KALRN: variants seen among roughly 807,000 people sequenced by gnomAD.
KALRN encodes the protein kalirin.
KALRN carries 70 observed loss-of-function variants against 353.7 expected under a neutral mutation model. The observed-to-expected ratio is 0.20, with a 90% CI of 0.16 to 0.24. The LOEUF (loss-of-function observed/expected upper bound fraction) is 0.24. KALRN is among the 10% of genes least tolerant of loss of function. The pLI, the probability that KALRN is intolerant of heterozygous loss-of-function variation, is 1.00. For synonymous variants in KALRN, 1,391 were observed against 1,434.8 expected, an observed-to-expected ratio of 0.97 and a Z score of 0.69; for missense variants, 2,791 against 3,756.7, an observed-to-expected ratio of 0.74 and a Z score of 6.72.
rs2087682883 is a variant in KALRN at position 124,383,236 on chromosome 3, C to G, written c.1771-1609C>G. Among the ~76,000 whole-genome samples, 5 of 152,324 alleles carry G rather than the reference C, an allele frequency of 3.3e-5. No individual in the cohort carries two copies. In the South Asian group the frequency reaches 1.0e-3, roughly 32 times the overall value. ...TTTGCCTGCCCATCTTCCCCAGGTC[C>G]TATGCCAGTACAATCAAGAGGCTGG... On this transcript the variant is annotated intron_variant, in intron 10 of 59. Coordinates refer to ENST00000682506, the MANE Select transcript of KALRN (RefSeq NM_001388419.1).
intron 34 of KALRN, among the ~76,000 whole-genome samples, chr3:124,587,075 C>T (rs1200939533): frequency 6.6e-6 from 1 of 152,212 alleles, no homozygotes; most frequent in Non-Finnish European, 1.5e-5. Context: ...CCAATTGCAA[C>T]ACCCAAAAGG....
chr3:124,564,752 C>T (rs1486534923), intron 34 of KALRN, among the ~76,000 whole-genome samples: 1 of 152,310 alleles, frequency 6.6e-6, no homozygotes, highest in Non-Finnish European at 1.5e-5. Context: ...CCTCCAGAGC[C>T]GGTGGGTCCC....
intron 13 of KALRN, among the ~76,000 whole-genome samples, chr3:124,404,153 G>GA (rs66603520): frequency 0.2 from 24,960 of 123,536 alleles, 3,265 homozygotes; most frequent in East Asian, 0.64. Context: ...CTGCTCTCTG[G>GA]AAAAAAAAAA....
chr3:124,045,586 A>C (rs1003523457), intron 1 of KALRN, among the ~76,000 whole-genome samples: 25 of 152,202 alleles, frequency 1.6e-4, no homozygotes, highest in Admixed American at 1.6e-3. Context: ...AGAACTAATC[A>C]ATTTTAGCAT....
chr3:124,619,131 T>G (rs1435361922), intron 34 of KALRN, among the ~76,000 whole-genome samples: 1 of 79,728 alleles, frequency 1.3e-5, no homozygotes, highest in African/African-American at 7.8e-5. Context: ...TTTGACTTTT[T>G]TTTTTTTTTT....
chr3:124,131,083 T>A (rs1192273365), intron 1 of KALRN, among the ~76,000 whole-genome samples: 1 of 152,180 alleles, frequency 6.6e-6, no homozygotes, highest in African/African-American at 2.4e-5. Flanking sequence ...TTTGTATACT[T>A]TGTGCAAGTT....
chr3:124,355,656 C>T (rs4592972), intron 10 of KALRN, among the ~76,000 whole-genome samples: 1,598 of 151,114 alleles, frequency 0.011, 46 homozygotes, highest in Admixed American at 0.049. Context: ...GGAGGTTTTC[C>T]GATACAGGCA....
Position 124,294,520 on chromosome 3 carries a change from C to CTTTTTTTTTTTTTTTTTT in KALRN, c.970-4266_970-4249dup, listed in dbSNP as rs397990993. On this transcript the variant is annotated intron_variant, in intron 5 of 59. Transcript: ENST00000682506. Reference sequence around the variant, plus strand: ...GGGCTGAGACTAAGAAGATTCTCTTCTTTTTTTTTTTTTTTTTTTTTTGAG... The same window carrying CTTTTTTTTTTTTTTTTTT: ...GGGCTGAGACTAAGAAGATTCTCTTCTTTTTTTTTTTTTTTTTTTTTTTTTTTTTTTTTTTTTTTTGAG... 6.8e-5 allele frequency among the ~76,000 whole-genome samples: 5 copies of CTTTTTTTTTTTTTTTTTT among 73,898 alleles called. 1 individual carries two copies. The highest frequency in any genetic ancestry group is 5.1e-4 in the East Asian group (1 of 1,980). 48.5% of individuals were successfully genotyped at this position (73,898 alleles called of 152,430 possible).
intron 1 of KALRN, among the ~76,000 whole-genome samples, chr3:124,068,611 C>T (rs1423791377): frequency 6.6e-6 from 1 of 152,184 alleles, no homozygotes; most frequent in Non-Finnish European, 1.5e-5. Context: ...AACCCTCTTC[C>T]CCATCTGCCT....
At position 124,694,557 on chromosome 3, in the gene KALRN, T is replaced by G. The variant is rs41264667; in HGVS notation, c.7577+54T>G. ...AGCAGCCCCTTGCTTGACACAGCAC[T>G]GAGAGGCTGAATCTGGGGTGCAACT... On this transcript the variant is annotated intron_variant, in intron 53 of 59. Transcript: ENST00000682506. 14,167 of 1,542,214 alleles carry G rather than the reference T, an allele frequency of 9.2e-3. 81 individuals carry two copies. Among genetic ancestry groups the G allele is most frequent in the Non-Finnish European group, 0.011 (12,399 of 1,131,728 alleles).
chr3:124,064,596 C>T (rs1370635623), intron 1 of KALRN, among the ~76,000 whole-genome samples: 1 of 152,168 alleles, frequency 6.6e-6, no homozygotes, highest in Admixed American at 6.5e-5. Flanking sequence ...ACACTGCCCA[C>T]CTAGGGTTGA....
intron 53 of KALRN, 36 bp downstream of exon 53, chr3:124,694,539 C>G (rs755028082): frequency 3.6e-5 from 58 of 1,595,412 alleles, no homozygotes; most frequent in Non-Finnish European, 4.9e-5. Context: ...AACAGCAGCC[C>G]CTTGCTTGAC....
At chr3:124,182,214 C>T (rs187804035) in intron 1 of KALRN, among the ~76,000 whole-genome samples, 13 of 152,260 alleles carry the variant, frequency 8.5e-5, no homozygotes, top group South Asian at 4.1e-4. Context: ...CAAAACTTAA[C>T]GGCTTGAAAT....
In KALRN at chr3:124,655,623, C is replaced by T; in HGVS notation, c.5818C>T (p.Gln1940Ter). Reference protein sequence around the residue: ...GRMFVLNELVQTEKDYVKDLG... With the variant: ...GRMFVLNELV The stretch of plus-strand genomic sequence containing the variant: ...CAGGTTTGTCCTGAATGAGCTGGTA[C>T]AGACAGAGAAAGACTATGTCAAGGA... The change falls in exon 39 of 60, where the codon CAG (glutamine) becomes TAG (stop). Residue 1940 changes from glutamine (Q) to a stop codon, truncating the protein, a stop_gained. Transcript: ENST00000682506. LOFTEE classifies it high-confidence loss of function. 6.2e-7 allele frequency: 1 copy of T among 1,613,954 alleles called. No homozygotes were observed. The highest frequency in any genetic ancestry group is 8.5e-7 in the Non-Finnish European group (1 of 1,179,842).
chr3:124,234,680 C>A (rs1014184693), intron 2 of KALRN, 149 bp from the exon 3 acceptor site: 4 of 623,722 alleles, frequency 6.4e-6, no homozygotes, highest in African/African-American at 5.5e-5. Context: ...GCATCTAGAC[C>A]CCCCCACCTT....
intron 11 of KALRN, among the ~76,000 whole-genome samples, chr3:124,387,705 G>A (rs1187880360): frequency 2.6e-5 from 4 of 152,080 alleles, no homozygotes; most frequent in Admixed American, 6.6e-5. Flanking sequence ...CCCAAAATAC[G>A]AGAGAAATTT....
chr3:124,557,961 G>A (rs534855848), intron 33 of KALRN, among the ~76,000 whole-genome samples: 1 of 152,160 alleles, frequency 6.6e-6, no homozygotes, highest in African/African-American at 2.4e-5. Flanking sequence ...GAAGAGGCAA[G>A]AGTGAATCCT....
intron 6 of KALRN, among the ~76,000 whole-genome samples, chr3:124,318,971 C>G (rs60254598): frequency 0.015 from 2,294 of 152,096 alleles, 59 homozygotes; most frequent in African/African-American, 0.05. Flanking sequence ...CTTCTAAAAA[C>G]TTTAAATAAA....
chr3:124,645,294 G>C (rs908025313), intron 37 of KALRN, among the ~76,000 whole-genome samples: 1 of 152,176 alleles, frequency 6.6e-6, no homozygotes, highest in African/African-American at 2.4e-5. Flanking sequence ...TCACTCTGAT[G>C]ATAGTTTCTT....
Sources: allele counts gnomAD v4.1 joint callset (sites outside exome capture counted in the v4.1 genomes callset), GRCh38; gene constraint gnomAD v4.1.1; transcripts MANE v1.5; gene names NCBI Gene and HGNC (gene_info 2026-07-23, HGNC 2026-07-21).